Variants in ZNF385D observed in about 807,000 individuals in gnomAD.
ZNF385D encodes the protein zinc finger protein 659.
ZNF385D carries 15 observed loss-of-function variants against 35.8 expected under a neutral mutation model. The ratio of observed to expected loss-of-function variants is 0.42; its 90% CI spans 0.28 to 0.64. The LOEUF is 0.64. ZNF385D is among the 30% of genes least tolerant of loss of function. ZNF385D has a pLI of 0.23. For synonymous variants in ZNF385D, 212 were observed against 186.8 expected, an observed-to-expected ratio of 1.13 and a Z score of -1.10; for missense variants, 474 against 494.6, an observed-to-expected ratio of 0.96 and a Z score of 0.39.
chr3:21,979,255 G>A (rs1382818054), intron 3 of ZNF385D, among the ~76,000 whole-genome samples: 5 of 151,612 alleles, frequency 3.3e-5, no homozygotes, highest in Non-Finnish European at 5.9e-5. Context: ...AAACAGAAGG[G>A]GGAAAAAAAC....
chr3:22,174,666 C>G (rs1189395401), intron 2 of ZNF385D, among the ~76,000 whole-genome samples: 1 of 152,000 alleles, frequency 6.6e-6, no homozygotes, highest in Non-Finnish European at 1.5e-5. Flanking sequence ...ATGATAATAT[C>G]TCCAGAAATT....
At chr3:21,741,169 G>C (rs770518697) in intron 1 of ZNF385D, among the ~76,000 whole-genome samples, 1 of 152,060 alleles carries the variant, frequency 6.6e-6, no homozygotes, top group Non-Finnish European at 1.5e-5. Context: ...ATTCTCAAAG[G>C]AAACCAAGAG....
intron 4 of ZNF385D, among the ~76,000 whole-genome samples, chr3:21,442,999 CCCCAA>C (rs1464479266): frequency 2.6e-5 from 4 of 151,854 alleles, no homozygotes; most frequent in African/African-American, 9.7e-5. Flanking sequence ...CATTTGGCCA[CCCCAA>C]ATCACAAAAA....
intron 3 of ZNF385D, among the ~76,000 whole-genome samples, chr3:21,896,502 T>C (rs1699144258): frequency 1.3e-5 from 2 of 152,174 alleles, no homozygotes; most frequent in South Asian, 4.1e-4. Flanking sequence ...CTGAATTATA[T>C]GGGGGCAAAG....
At chr3:22,230,012 A>G (rs1698792248) in intron 2 of ZNF385D, among the ~76,000 whole-genome samples, 1 of 152,210 alleles carries the variant, frequency 6.6e-6, no homozygotes, top group African/African-American at 2.4e-5. Flanking sequence ...AAGGGGAAAA[A>G]TAACAAGGGT....
chr3:22,095,525 A>T (rs1394275612), intron 3 of ZNF385D, among the ~76,000 whole-genome samples: 1 of 151,962 alleles, frequency 6.6e-6, no homozygotes, highest in African/African-American at 2.4e-5. Context: ...ATTCAATATG[A>T]TACTCTAGAT....
chr3:22,168,939 G>A (rs1455659152), exon 3 of ZNF385D: 2 of 985,704 alleles, frequency 2.0e-6, no homozygotes, highest in East Asian at 2.3e-4. Flanking sequence ...ATTGCACAAA[G>A]TAAAGTTGGT....
At chr3:21,454,032 A>G (rs1371750131) in intron 4 of ZNF385D, among the ~76,000 whole-genome samples, 2 of 152,152 alleles carry the variant, frequency 1.3e-5, no homozygotes, top group Non-Finnish European at 2.9e-5. Flanking sequence ...GAAATACAAT[A>G]CTGGTACCTG....
chr3:21,720,676 G>A (rs932147534), intron 1 of ZNF385D, among the ~76,000 whole-genome samples: 1 of 152,186 alleles, frequency 6.6e-6, no homozygotes, highest in Non-Finnish European at 1.5e-5. Context: ...TGCAAATTCC[G>A]GTTTGAGAAG....
Position 21,783,504 on chromosome 3 carries a change from C to T in ZNF385D, c.326-118476G>A, listed in dbSNP as rs2071571971. 2.0e-5 allele frequency among the ~76,000 whole-genome samples: 3 copies of T among 152,016 alleles called. No homozygotes were observed. The South Asian group carries it at 6.2e-4, about 32-fold the overall frequency. On this transcript the variant is annotated intron_variant, in intron 3 of 5. Transcript: ENST00000494108. ...TTTTTGGAGAGACCTTATTTTTTATCGACTGCCTACCTAGAGCATAAATTC... is the reference window on the plus strand; with the variant it reads ...TTTTTGGAGAGACCTTATTTTTTATTGACTGCCTACCTAGAGCATAAATTC...
chr3:22,209,734 C>G (rs1697393326), intron 2 of ZNF385D, among the ~76,000 whole-genome samples: 1 of 144,016 alleles, frequency 6.9e-6, no homozygotes, highest in Admixed American at 7.3e-5. Flanking sequence ...ATTTACTTGG[C>G]TTTCATTTAT....
At chr3:21,946,999 TA>T (rs34955569) in intron 3 of ZNF385D, among the ~76,000 whole-genome samples, 39,341 of 151,346 alleles carry the variant, frequency 0.26, 5,801 homozygotes, top group Admixed American at 0.41. Flanking sequence ...TTGACCCTTC[TA>T]AAAAAAAACA....
intron 1 of ZNF385D, among the ~76,000 whole-genome samples, chr3:21,731,986 C>T (rs149867524): frequency 7.5e-6 from 1 of 134,172 alleles, no homozygotes; most frequent in East Asian, 2.3e-4. Context: ...AGTTTTGGCA[C>T]TTATGAATAA....
At chr3:21,786,034 AC>A (rs1211555925) in intron 3 of ZNF385D, among the ~76,000 whole-genome samples, 1 of 131,878 alleles carries the variant, frequency 7.6e-6, no homozygotes, top group Non-Finnish European at 1.6e-5. Flanking sequence ...TTTTTTTTTT[AC>A]CATGTGACTT....
chr3:22,121,841 C>T (rs2125666828), intron 3 of ZNF385D, among the ~76,000 whole-genome samples: 1 of 152,046 alleles, frequency 6.6e-6, no homozygotes, highest in South Asian at 2.1e-4. Flanking sequence ...ACTCTACATC[C>T]CTCACTTTCT....
chr3:21,804,574 T>G (rs1365716751), intron 3 of ZNF385D, among the ~76,000 whole-genome samples: 1 of 152,182 alleles, frequency 6.6e-6, no homozygotes, highest in Non-Finnish European at 1.5e-5. Context: ...TCCCCCAGAG[T>G]GTGCAGAAAG....
chr3:22,174,051 CAG>C (rs1491134073), intron 2 of ZNF385D, among the ~76,000 whole-genome samples: 289 of 143,720 alleles, frequency 2.0e-3, no homozygotes, highest in African/African-American at 6.8e-3. Context: ...CACACACACA[CAG>C]AGATATCCAA....
chr3:22,263,439 C>CT (rs1408612334), intron 2 of ZNF385D, among the ~76,000 whole-genome samples: 1 of 151,894 alleles, frequency 6.6e-6, no homozygotes, highest in African/African-American at 2.4e-5. Context: ...CTTAGAGAGA[C>CT]TTTCTTTGAC....
intron 2 of ZNF385D, among the ~76,000 whole-genome samples, chr3:22,213,061 A>G (rs115951158): frequency 7.8e-4 from 119 of 152,188 alleles, no homozygotes; most frequent in African/African-American, 2.7e-3. Flanking sequence ...GTGGAAGTTT[A>G]TAAGTCACAT....
Sources: allele counts gnomAD v4.1 joint callset (sites outside exome capture counted in the v4.1 genomes callset), GRCh38; gene constraint gnomAD v4.1.1; transcripts MANE v1.5; gene names NCBI Gene and HGNC (gene_info 2026-07-23, HGNC 2026-07-21).